ATP13A4: variants seen among roughly 807,000 people sequenced by gnomAD.
ATP13A4 encodes the protein probable cation-transporting ATPase 13A4.
In ATP13A4, 114 loss-of-function variants were observed where a neutral mutation model predicts 142.5. The observed-to-expected ratio is 0.80, with a 90% CI of 0.69 to 0.93. The LOEUF (loss-of-function observed/expected upper bound fraction) is 0.93, where lower values mean the gene tolerates loss of function less well. ATP13A4 is among the 40% of genes least tolerant of loss of function. The probability of loss-of-function intolerance (pLI) is 0.00; values close to 1 mark genes in which losing one functional copy is unlikely to be tolerated. For synonymous variants in ATP13A4, 488 were observed against 514.8 expected (o/e 0.95, Z 0.70); for missense variants, 1,392 against 1,454.0 (o/e 0.96, Z 0.69).
intron 3 of ATP13A4, 80 bp downstream of exon 3, chr3:193,502,413 A>T: frequency 6.7e-7 from 1 of 1,485,832 alleles, no homozygotes; most frequent in Non-Finnish European, 9.4e-7. Context: ...GGCACAGTAG[A>T]GGAGCTACAT....
intron 2 of ATP13A4, among the ~76,000 whole-genome samples, chr3:193,511,676 TA>T (rs1052728144): frequency 3.3e-5 from 5 of 152,076 alleles, no homozygotes; most frequent in Non-Finnish European, 7.4e-5. Context: ...ATTCTCACAC[TA>T]GCCCCATTTT....
chr3:193,510,656 C>T (rs767141237), intron 2 of ATP13A4, among the ~76,000 whole-genome samples: 1 of 151,958 alleles, frequency 6.6e-6, no homozygotes, highest in Non-Finnish European at 1.5e-5. Context: ...CTCTCAGAGT[C>T]CTTAATAAGA....
chr3:193,422,177 C>T (rs1228664755), intron 25 of ATP13A4, among the ~76,000 whole-genome samples: 2 of 149,792 alleles, frequency 1.3e-5, no homozygotes, highest in African/African-American at 4.9e-5. Flanking sequence ...GACGTCAAGT[C>T]AAAAACTGTC....
intron 2 of ATP13A4, among the ~76,000 whole-genome samples, chr3:193,570,524 A>G (rs1724237288): frequency 6.6e-6 from 1 of 152,190 alleles, no homozygotes; most frequent in Non-Finnish European, 1.5e-5. Context: ...TTTTTATTTT[A>G]TCATTGACAA....
intron 1 of ATP13A4, among the ~76,000 whole-genome samples, chr3:193,524,551 A>G (rs1173545620): frequency 1.3e-5 from 2 of 152,234 alleles, no homozygotes; most frequent in Non-Finnish European, 2.9e-5. Context: ...TGGGAATACC[A>G]GCCTGTCTAG....
At chr3:193,435,377 T>C (rs1716207140) in intron 24 of ATP13A4, among the ~76,000 whole-genome samples, 1 of 152,140 alleles carries the variant, frequency 6.6e-6, no homozygotes, top group South Asian at 2.1e-4. Context: ...CCTTGTCCAA[T>C]CAGGTAAAAG....
intron 7 of ATP13A4, among the ~76,000 whole-genome samples, chr3:193,489,437 T>C (rs1266004248): frequency 6.6e-6 from 1 of 152,188 alleles, no homozygotes; most frequent in East Asian, 1.9e-4. Flanking sequence ...ATTCTCTACA[T>C]AAATTTTTTC....
chr3:193,557,738 G>T (rs1036144975), upstream of ATP13A4, among the ~76,000 whole-genome samples: 2 of 152,244 alleles, frequency 1.3e-5, no homozygotes, highest in African/African-American at 4.8e-5. Context: ...AAAGTGCTCT[G>T]CAAAGAGGTT....
chr3:193,529,634 CAA>C (rs1722209684), intron 1 of ATP13A4, among the ~76,000 whole-genome samples: 2 of 152,048 alleles, frequency 1.3e-5, no homozygotes, highest in African/African-American at 4.8e-5. Flanking sequence ...TACACAAAAA[CAA>C]GAGACAAGTG....
At chr3:193,558,349 T>C (rs1458606067), upstream of ATP13A4, among the ~76,000 whole-genome samples, 3 of 152,220 alleles carry the variant, frequency 2.0e-5, no homozygotes, top group African/African-American at 7.2e-5. Context: ...TGATGTGGCG[T>C]AGTAAGAATG....
intron 2 of ATP13A4, among the ~76,000 whole-genome samples, chr3:193,506,893 CCT>C (rs1720891201): frequency 6.6e-6 from 1 of 152,166 alleles, no homozygotes; most frequent in Non-Finnish European, 1.5e-5. Flanking sequence ...GTCAATTAAA[CCT>C]CTTTCCTTTA....
chr3:193,421,549 T>C (rs1715401214), intron 25 of ATP13A4, among the ~76,000 whole-genome samples: 1 of 149,996 alleles, frequency 6.7e-6, no homozygotes, highest in African/African-American at 2.4e-5. Context: ...AAAACATATA[T>C]ATCTCTAGTA....
chr3:193,483,914 G>A, intron 8 of ATP13A4, 22 bp downstream of exon 8: 1 of 1,519,804 alleles, frequency 6.6e-7, no homozygotes, highest in Non-Finnish European at 9.1e-7. Context: ...ATAGCATATA[G>A]ATCTAAAATA....
At chr3:193,425,201 CA>C (rs1011739115) in intron 25 of ATP13A4, among the ~76,000 whole-genome samples, 25 of 150,894 alleles carry the variant, frequency 1.7e-4, no homozygotes, top group African/African-American at 6.1e-4. Flanking sequence ...ATCAAAAAGA[CA>C]AAAAATAATA....
chr3:193,418,148 A>C (rs1241261580), intron 25 of ATP13A4, among the ~76,000 whole-genome samples: 1 of 116,936 alleles, frequency 8.6e-6, no homozygotes, highest in Non-Finnish European at 1.7e-5. Context: ...AAAAAAAAAA[A>C]AAAAAAAAAA....
rs1722889359 is a variant in ATP13A4, at chr3:193,541,177, A to C, written c.60+13563T>G. Reference sequence around the variant, plus strand: ...GGCAGGAGAATGGCGTGAACCCGGGAGGCGGAGCTTGCAGTGAGCCGAGAT... The same window carrying C: ...GGCAGGAGAATGGCGTGAACCCGGGCGGCGGAGCTTGCAGTGAGCCGAGAT... On this transcript the variant is annotated intron_variant, in intron 1 of 29. Transcript: ENST00000342695. 2.8e-5 allele frequency among the ~76,000 whole-genome samples: 4 copies of C among 140,648 alleles called. No individual in the cohort carries two copies. The South Asian group carries it at 9.7e-4, about 34-fold the overall frequency. The allele number at this position is 140,648 out of a possible 152,430, so 92.3% of individuals were successfully genotyped here.
intron 1 of ATP13A4, among the ~76,000 whole-genome samples, chr3:193,515,257 G>A (rs906944167): frequency 6.6e-6 from 1 of 152,170 alleles, no homozygotes; most frequent in African/African-American, 2.4e-5. Flanking sequence ...TAGAGTGGCA[G>A]AATGGGATGA....
intron 8 of ATP13A4, among the ~76,000 whole-genome samples, chr3:193,472,300 G>A (rs1454006109): frequency 6.6e-6 from 1 of 152,164 alleles, no homozygotes; most frequent in African/African-American, 2.4e-5. Context: ...CATCCCACCT[G>A]GAACAGAATC....
At chr3:193,403,416 T>C (rs914986481) in intron 29 of ATP13A4, among the ~76,000 whole-genome samples, 1 of 152,204 alleles carries the variant, frequency 6.6e-6, no homozygotes. Context: ...AATTAGTTAC[T>C]CTATCCATGT....
Sources: gnomAD v4.1 joint callset for allele counts (sites outside exome capture counted in the v4.1 genomes callset) on GRCh38, gnomAD v4.1.1 for gene constraint, MANE v1.5 for transcripts, NCBI Gene and HGNC (gene_info 2026-07-23, HGNC 2026-07-21) for gene names.